Variants in ACOT1 observed in about 807,000 individuals in gnomAD.
The protein encoded by ACOT1 is acyl-coenzyme A thioesterase 1.
In ACOT1, 8 loss-of-function variants were observed where a neutral mutation model predicts 15.7. That is an observed-to-expected ratio of 0.51 (90% confidence interval 0.30 to 0.92). ACOT1 has a LOEUF of 0.92. ACOT1 is among the 40% of genes least tolerant of loss of function. The probability of loss-of-function intolerance (pLI) is 0.06; values close to 1 mark genes in which losing one functional copy is unlikely to be tolerated. For missense variants in ACOT1, 151 were observed against 539.4 expected, an observed-to-expected ratio of 0.28 and a Z score of 7.13; for synonymous variants, 67 against 241.2, an observed-to-expected ratio of 0.28 and a Z score of 6.69.
the ACOT1 span, chr14:73,508,023 G>T: frequency 2.0e-6 from 2 of 1,019,338 alleles, no homozygotes; most frequent in Non-Finnish European, 1.5e-6. Context: ...TGGGATTACA[G>T]GCATAAGCCA....
the ACOT1 span, chr14:73,520,679 T>C: frequency 3.3e-6 from 2 of 597,174 alleles, no homozygotes; most frequent in East Asian, 2.8e-5. Context: ...CTATTAGTTA[T>C]CACTCCCCGA....
upstream of ACOT1, among the ~76,000 whole-genome samples, chr14:73,536,078 T>G (rs1888854826): frequency 8.6e-6 from 1 of 115,824 alleles, no homozygotes; most frequent in Non-Finnish European, 1.9e-5. Context: ...CAAAGGTAAT[T>G]ACAACTAACA....
At chr14:73,497,882 TC>T in the ACOT1 span, among the ~76,000 whole-genome samples, 3 of 152,284 alleles carry the variant, frequency 2.0e-5, no homozygotes, top group Admixed American at 1.3e-4. Flanking sequence ...TGCCTCAGCC[TC>T]CCAAAGTGCT....
chr14:73,509,850 ATATATATATATATATATATTTATT>A, the ACOT1 span, among the ~76,000 whole-genome samples: 151 of 62,488 alleles, frequency 2.4e-3, 5 homozygotes, highest in Non-Finnish European at 3.5e-3. Flanking sequence ...ATATATATAT[ATATATATATATATATATATTTATT>A]TATTTTATAT....
chr14:73,495,399 C>A, the ACOT1 span: 1 of 1,606,350 alleles, frequency 6.2e-7, no homozygotes, highest in Non-Finnish European at 8.5e-7. Flanking sequence ...TAAATTAGAA[C>A]AAATAATGTT....
the ACOT1 span, chr14:73,490,986 G>C: frequency 2.0e-4 from 263 of 1,331,370 alleles, 2 homozygotes; most frequent in African/African-American, 3.6e-3. Context: ...GCCCCCGGCC[G>C]GCCGGGCGGG....
the ACOT1 span, among the ~76,000 whole-genome samples, chr14:73,504,391 T>C: frequency 7.2e-5 from 11 of 152,168 alleles, no homozygotes; most frequent in East Asian, 1.2e-3. Flanking sequence ...TACAGGTGCC[T>C]GCCACCACAC....
chr14:73,524,303 A>AT, the ACOT1 span, among the ~76,000 whole-genome samples: 29 of 109,948 alleles, frequency 2.6e-4, no homozygotes, highest in Non-Finnish European at 3.7e-4. Flanking sequence ...CAAAAAAAAA[A>AT]AAAAAAAATA....
chr14:73,532,692 C>T (rs1462228444), upstream of ACOT1, among the ~76,000 whole-genome samples: 10 of 115,318 alleles, frequency 8.7e-5, 3 homozygotes, highest in Admixed American at 2.0e-4. Flanking sequence ...CAGTGGCTCA[C>T]GCTCATAATC....
At chr14:73,499,990 G>A in the ACOT1 span, among the ~76,000 whole-genome samples, 3 of 152,200 alleles carry the variant, frequency 2.0e-5, no homozygotes, top group Admixed American at 2.0e-4. Context: ...AGCACTTTGG[G>A]AGGCCGAGGC....
At chr14:73,522,301 C>T in the ACOT1 span, 1 of 1,608,926 alleles carries the variant, frequency 6.2e-7, no homozygotes, top group Non-Finnish European at 8.5e-7. Context: ...GCAGTTCTGG[C>T]TTCTTCTTTT....
the ACOT1 span, among the ~76,000 whole-genome samples, chr14:73,500,377 A>G: frequency 2.6e-5 from 4 of 151,978 alleles, no homozygotes; most frequent in African/African-American, 9.7e-5. Flanking sequence ...GGAAGCCAAA[A>G]GATTGGATGC....
At chr14:73,495,126 C>T in the ACOT1 span, 1 of 995,806 alleles carries the variant, frequency 1.0e-6, no homozygotes. Flanking sequence ...TTTCCTGACT[C>T]TTTCATCCTC....
At chr14:73,498,445 A>G in the ACOT1 span, 8 of 1,030,382 alleles carry the variant, frequency 7.8e-6, no homozygotes, top group Middle Eastern at 2.4e-4. Flanking sequence ...TCCCTTTTGG[A>G]TGGTAATCAC....
chr14:73,498,593 C>T, the ACOT1 span, among the ~76,000 whole-genome samples: 1 of 152,112 alleles, frequency 6.6e-6, no homozygotes, highest in Non-Finnish European at 1.5e-5. Context: ...ACATGGAAGA[C>T]CTGCCTAGTC....
chr14:73,534,421 A>G (rs547053748), upstream of ACOT1, among the ~76,000 whole-genome samples: 3 of 110,636 alleles, frequency 2.7e-5, 1 homozygote, highest in South Asian at 3.0e-4. Flanking sequence ...GGCCGAGTGT[A>G]GTGGCTCTTG....
At chr14:73,532,038 A>C in the ACOT1 span, among the ~76,000 whole-genome samples, 1 of 113,984 alleles carries the variant, frequency 8.8e-6, no homozygotes, top group Non-Finnish European at 1.9e-5. Flanking sequence ...GTCTCAAAAA[A>C]TAAAAATAAA....
the ACOT1 span, chr14:73,520,927 A>T: frequency 6.2e-7 from 1 of 1,614,028 alleles, no homozygotes; most frequent in Non-Finnish European, 8.5e-7. Context: ...ACCTGGCGAA[A>T]GTAGCTCTGG....
At chr14:73,509,600 A>G in the ACOT1 span, 1 of 887,614 alleles carries the variant, frequency 1.1e-6, no homozygotes, top group Non-Finnish European at 1.7e-6. Context: ...TATGTAATAT[A>G]ATTACAGTTT....
Sources: gnomAD v4.1 joint callset for allele counts (sites outside exome capture counted in the v4.1 genomes callset) on GRCh38, gnomAD v4.1.1 for gene constraint, MANE v1.5 for transcripts, NCBI Gene and HGNC (gene_info 2026-07-23, HGNC 2026-07-21) for gene names.